GRIN2B: variants seen among roughly 807,000 people sequenced by gnomAD.
The protein encoded by GRIN2B is glutamate receptor ionotropic, NMDA 2B.
GRIN2B carries 5 observed loss-of-function variants against 114.5 expected under a neutral mutation model. That is an observed-to-expected ratio of 0.04 (90% CI 0.02 to 0.09). GRIN2B has a LOEUF of 0.09. Ranked by LOEUF, GRIN2B falls within the 10% of genes least tolerant of loss-of-function variation. GRIN2B has a pLI of 1.00. For missense variants in GRIN2B, 1,108 were observed against 1,943.5 expected (o/e 0.57, Z 8.08); for synonymous variants, 787 against 745.1 (o/e 1.06, Z -0.92).
Position 13,865,927 on chromosome 12 carries a change from G to T in GRIN2B, c.282C>A (p.Ile94=), listed in dbSNP as rs147132902. 6.0e-5 allele frequency: 97 copies of T among 1,613,950 alleles called. No homozygotes were observed. Among genetic ancestry groups the T allele is most frequent in the Non-Finnish European group, 8.1e-5 (95 of 1,179,982 alleles). Residue 94 remains isoleucine (I), a synonymous_variant, in exon 3 of 14, where the codon ATC becomes ATA. Coordinates refer to ENST00000609686, the MANE Select transcript of GRIN2B (RefSeq NM_000834.5). Reference sequence around the variant, plus strand: ...TGTCATCAGCAAACACCACCCCCTGGATCTTCCGGTCAGACATGAGATCAC... The same window carrying T: ...TGTCATCAGCAAACACCACCCCCTGTATCTTCCGGTCAGACATGAGATCAC... The part of the protein sequence containing the change: ...RICDLMSDRK[I]QGVVFADDTD...
At position 13,551,387 on chromosome 12, in the gene GRIN2B, C is replaced by T. The variant is rs1030233760; in HGVS notation, c.*11396G>A. 2.6e-5 allele frequency: 4 copies of T among 152,124 alleles called. No individual in the cohort carries two copies. Among genetic ancestry groups the T allele is most frequent in the South Asian group, 2.1e-4 (1 of 4,814 alleles). 9.4% of individuals were successfully genotyped at this position (152,124 alleles called of 1,614,324 possible). ...CTTAGTACCAGTCCATCAACAGGAC[C>T]TTAGAAGGCCACATGGATTCCATAG... On this transcript the variant is annotated 3_prime_UTR_variant, in exon 14 of 14. Coordinates refer to ENST00000609686, the MANE Select transcript of GRIN2B (RefSeq NM_000834.5).
intron 3 of GRIN2B, 92 bp downstream of exon 3, chr12:13,865,706 A>G: frequency 2.9e-6 from 3 of 1,045,142 alleles, no homozygotes; most frequent in Admixed American, 3.4e-5. Flanking sequence ...GTTACCTTCC[A>G]TCATTAACAA....
At chr12:13,800,095 T>TC (rs1219053492) in intron 3 of GRIN2B, among the ~76,000 whole-genome samples, 4 of 152,138 alleles carry the variant, frequency 2.6e-5, no homozygotes, top group Non-Finnish European at 5.9e-5. Flanking sequence ...TGTGCCATTT[T>TC]CCTCCTGGAA....
intron 3 of GRIN2B, among the ~76,000 whole-genome samples, chr12:13,770,833 G>T (rs375906917): frequency 4.2e-4 from 64 of 152,298 alleles, no homozygotes; most frequent in Middle Eastern, 3.4e-3. Context: ...AGGAACTAAA[G>T]ATATTCTGTA....
At chr12:13,578,214 C>A (rs1948803209) in intron 10 of GRIN2B, among the ~76,000 whole-genome samples, 1 of 152,168 alleles carries the variant, frequency 6.6e-6, no homozygotes, top group African/African-American at 2.4e-5. Context: ...AAATTATTTG[C>A]CACTCTATGA....
At chr12:13,892,114 GA>G (rs1236117521) in intron 2 of GRIN2B, among the ~76,000 whole-genome samples, 4 of 152,166 alleles carry the variant, frequency 2.6e-5, no homozygotes. Context: ...TAAATTCAAA[GA>G]AACCACCCTA....
chr12:13,687,259 T>C (rs1950180601), intron 4 of GRIN2B, among the ~76,000 whole-genome samples: 1 of 152,224 alleles, frequency 6.6e-6, no homozygotes, highest in Non-Finnish European at 1.5e-5. Context: ...TTCTCCTAAG[T>C]GTTCTATAGT....
At chr12:13,723,093 C>G (rs1475678999) in intron 4 of GRIN2B, among the ~76,000 whole-genome samples, 1 of 151,860 alleles carries the variant, frequency 6.6e-6, no homozygotes, top group African/African-American at 2.4e-5. Context: ...CCCGGAGATA[C>G]AGCAGACTGA....
intron 2 of GRIN2B, among the ~76,000 whole-genome samples, chr12:13,904,288 A>G (rs926676153): frequency 6.6e-6 from 1 of 151,994 alleles, no homozygotes; most frequent in Non-Finnish European, 1.5e-5. Flanking sequence ...TGCTAATTGT[A>G]AATTCTACAC....
chr12:13,943,828 C>T (rs546715543), intron 2 of GRIN2B, among the ~76,000 whole-genome samples: 1 of 152,272 alleles, frequency 6.6e-6, no homozygotes, highest in South Asian at 2.1e-4. Flanking sequence ...GTACTCATCA[C>T]TCTCGTCTAT....
intron 6 of GRIN2B, among the ~76,000 whole-genome samples, chr12:13,616,130 T>G (rs774711602): frequency 4.6e-5 from 7 of 152,210 alleles, no homozygotes; most frequent in Non-Finnish European, 7.3e-5. Context: ...ATCTCAAGAT[T>G]CTGGGACATG....
intron 3 of GRIN2B, among the ~76,000 whole-genome samples, chr12:13,830,627 A>G (rs191863225): frequency 6.6e-6 from 1 of 152,342 alleles, no homozygotes; most frequent in African/African-American, 2.4e-5. Context: ...CAAAATATGT[A>G]TCTGTTCTAT....
intron 3 of GRIN2B, among the ~76,000 whole-genome samples, chr12:13,763,773 T>C (rs1863725043): frequency 6.6e-6 from 1 of 152,246 alleles, no homozygotes; most frequent in Admixed American, 6.5e-5. Context: ...TTCCCAGCTT[T>C]CTGACCCTCC....
In GRIN2B at chr12:13,851,987, G is replaced by A. The variant is rs1741166080; in HGVS notation, c.411+13811C>T. Among the ~76,000 whole-genome samples, 3 of 152,140 alleles carry A rather than the reference G, an allele frequency of 2.0e-5. No homozygotes were observed. The South Asian group carries it at 6.2e-4, about 32-fold the overall frequency. On this transcript the variant is annotated intron_variant, in intron 3 of 13. Coordinates refer to ENST00000609686, the MANE Select transcript of GRIN2B (RefSeq NM_000834.5). ...CATGCAGAAACCACAGTGCAGCCTG[G>A]CTTCCTGGGAAGCCTGTTGCCCTAG...
At chr12:13,956,519 T>A (rs1867595003) in intron 2 of GRIN2B, among the ~76,000 whole-genome samples, 1 of 152,186 alleles carries the variant, frequency 6.6e-6, no homozygotes, top group Non-Finnish European at 1.5e-5. Flanking sequence ...CCTCATTCTG[T>A]TCTATAAGCC....
chr12:13,611,846 T>C lies in GRIN2B; in HGVS notation c.1659A>G (p.Pro553=), dbSNP rs1305259647. The C allele has an allele frequency of 6.2e-7, 1 of 1,613,586 alleles. No individual in the cohort carries two copies. Among genetic ancestry groups the C allele is most frequent in the South Asian group, 1.1e-5 (1 of 91,054 alleles). The change falls in exon 9 of 14, where the codon CCA becomes CCG. Residue 553 remains proline (P), a synonymous_variant. Transcript: ENST00000609686. ...TCATCACCCATACGTCAGCGCTGAA[T>C]GGCTCTGAGGAAGGGAAAAAAGCAG... is the stretch of plus-strand genomic sequence containing the variant. ...GTVSPSAFLE[P]FSADVWVMMF... is the part of the protein sequence containing the mutation.
intron 2 of GRIN2B, among the ~76,000 whole-genome samples, chr12:13,940,671 G>A (rs1867227920): frequency 1.3e-5 from 2 of 152,084 alleles, no homozygotes; most frequent in African/African-American, 4.8e-5. Context: ...CCCTATGGCT[G>A]GAAATCATTA....
At chr12:13,664,036 G>A (rs917316808) in intron 5 of GRIN2B, among the ~76,000 whole-genome samples, 1 of 152,142 alleles carries the variant, frequency 6.6e-6, no homozygotes, top group African/African-American at 2.4e-5. Flanking sequence ...GGCACAGAAA[G>A]GGGGAATAAT....
chr12:13,900,641 A>G (rs1423901829), intron 2 of GRIN2B, among the ~76,000 whole-genome samples: 2 of 152,082 alleles, frequency 1.3e-5, no homozygotes, highest in Non-Finnish European at 2.9e-5. Context: ...GGAAACCCCC[A>G]TTGAGTACTA....
Sources: gnomAD v4.1 joint callset for allele counts (sites outside exome capture counted in the v4.1 genomes callset) on GRCh38, gnomAD v4.1.1 for gene constraint, MANE v1.5 for transcripts, NCBI Gene and HGNC (gene_info 2026-07-23, HGNC 2026-07-21) for gene names.